SV2C: variants seen among roughly 807,000 people sequenced by gnomAD.
SV2C encodes synaptic vesicle glycoprotein 2C, also known as solute carrier family 22 member B3.
Under a neutral mutation model 79.7 loss-of-function variants are expected in SV2C, and 49 were observed. The ratio of observed to expected loss-of-function variants is 0.61; its 90% CI spans 0.49 to 0.78. The LOEUF (loss-of-function observed/expected upper bound fraction) is 0.78, where lower values mean the gene tolerates loss of function less well. Ranked by LOEUF, SV2C falls within the 30% of genes least tolerant of loss-of-function variation. The pLI is 0.00. For missense variants in SV2C, 833 were observed against 912.9 expected (o/e 0.91, Z 1.13); for synonymous variants, 334 against 333.2 (o/e 1.00, Z -0.03).
the SV2C span, among the ~76,000 whole-genome samples, chr5:75,884,344 T>C: frequency 0.19 from 29,174 of 152,128 alleles, 4,521 homozygotes; most frequent in African/African-American, 0.44. Context: ...GCTTTTATAT[T>C]ACTGATATCA....
the SV2C span, among the ~76,000 whole-genome samples, chr5:75,987,164 T>C: frequency 1.2e-4 from 19 of 152,072 alleles, 1 homozygote; most frequent in East Asian, 3.3e-3. Flanking sequence ...CCATTGTTTC[T>C]GAACCAAGAG....
At chr5:75,896,888 G>A in the SV2C span, among the ~76,000 whole-genome samples, 1 of 147,224 alleles carries the variant, frequency 6.8e-6, no homozygotes, top group African/African-American at 2.7e-5. Context: ...GTCTGTTCAT[G>A]TCCTTTGCCC....
At chr5:76,092,191 C>A (rs376872444) in intron 1 of SV2C, among the ~76,000 whole-genome samples, 1 of 152,034 alleles carries the variant, frequency 6.6e-6, no homozygotes, top group Non-Finnish European at 1.5e-5. Context: ...TGGAAAGGAC[C>A]TTACATATTT....
intron 2 of SV2C, among the ~76,000 whole-genome samples, chr5:76,159,263 C>T (rs1215328184): frequency 6.6e-6 from 1 of 152,074 alleles, no homozygotes; most frequent in Non-Finnish European, 1.5e-5. Context: ...CAACATTGTA[C>T]TGGAGTGTCT....
chr5:76,088,698 T>A (rs1319086434), intron 1 of SV2C, among the ~76,000 whole-genome samples: 3 of 152,244 alleles, frequency 2.0e-5, no homozygotes, highest in Non-Finnish European at 2.9e-5. Context: ...TTATTTGTTG[T>A]TTATTGAAAA....
the SV2C span, among the ~76,000 whole-genome samples, chr5:76,029,632 T>C: frequency 6.6e-6 from 1 of 152,018 alleles, no homozygotes. Context: ...TTTACACTTA[T>C]TATTTTTACA....
chr5:76,142,380 ATCTC>A (rs745460358), intron 2 of SV2C, among the ~76,000 whole-genome samples: 54 of 152,220 alleles, frequency 3.5e-4, no homozygotes, highest in Admixed American at 2.9e-3. Context: ...TTATTTTCAC[ATCTC>A]TCTGTCTTGA....
the SV2C span, among the ~76,000 whole-genome samples, chr5:75,929,688 C>T: frequency 6.6e-6 from 1 of 152,096 alleles, no homozygotes; most frequent in East Asian, 1.9e-4. Flanking sequence ...TGCAACATTA[C>T]ACAAATAACA....
chr5:75,996,115 T>G, the SV2C span, among the ~76,000 whole-genome samples: 1 of 152,206 alleles, frequency 6.6e-6, no homozygotes, highest in Admixed American at 6.5e-5. Context: ...TTTATGGTTT[T>G]AGGTCTAACA....
the SV2C span, among the ~76,000 whole-genome samples, chr5:76,044,894 T>C: frequency 6.6e-6 from 1 of 152,240 alleles, no homozygotes; most frequent in Non-Finnish European, 1.5e-5. Flanking sequence ...TAGTTTCTTT[T>C]ACTGTGCAGA....
At chr5:75,871,848 C>T in the SV2C span, among the ~76,000 whole-genome samples, 1 of 113,700 alleles carries the variant, frequency 8.8e-6, no homozygotes, top group African/African-American at 4.1e-5. Context: ...CACACACACA[C>T]ACACACACAC....
chr5:76,289,256 T>C (rs1359428349), intron 6 of SV2C, among the ~76,000 whole-genome samples: 1 of 152,172 alleles, frequency 6.6e-6, no homozygotes, highest in Non-Finnish European at 1.5e-5. Flanking sequence ...AAGACTTCAT[T>C]TTCAGCTAAC....
rs1580077501 is a variant in SV2C at position 76,327,694 on chromosome 5, C to G, written c.*2147C>G. On this transcript the variant is annotated 3_prime_UTR_variant, in exon 13 of 13. Transcript: ENST00000502798. ...AAAGAAAAATAGAAATGTACATGGGCATCGCTGTCTCTAGTCCTCTGTGAT... is the reference window on the plus strand; with the variant it reads ...AAAGAAAAATAGAAATGTACATGGGGATCGCTGTCTCTAGTCCTCTGTGAT... 6.6e-6 allele frequency: 1 copy of G among 152,252 alleles called. No homozygotes were observed. The highest frequency in any genetic ancestry group is 1.9e-4 in the East Asian group (1 of 5,198). The allele number at this position is 152,252 out of a possible 1,614,324, so 9.4% of individuals were successfully genotyped here.
intron 12 of SV2C, among the ~76,000 whole-genome samples, chr5:76,308,861 CTGTT>C (rs1389439540): frequency 1.3e-5 from 2 of 152,028 alleles, no homozygotes; most frequent in African/African-American, 4.8e-5. Context: ...AATTTTAATA[CTGTT>C]TGTTTATTTA....
chr5:76,259,845 C>T (rs1469825698), intron 4 of SV2C, among the ~76,000 whole-genome samples: 1 of 152,172 alleles, frequency 6.6e-6, no homozygotes, highest in African/African-American at 2.4e-5. Flanking sequence ...TCCAGTCTAT[C>T]ATTGATGGGC....
the SV2C span, among the ~76,000 whole-genome samples, chr5:75,947,040 A>G: frequency 6.6e-6 from 1 of 152,092 alleles, no homozygotes; most frequent in African/African-American, 2.4e-5. Context: ...TCACGTCTGA[A>G]AGTAGGGAGA....
At chr5:75,857,179 G>A in the SV2C span, among the ~76,000 whole-genome samples, 3 of 151,900 alleles carry the variant, frequency 2.0e-5, no homozygotes, top group Non-Finnish European at 2.9e-5. Flanking sequence ...GGATGGTCTC[G>A]ATCTCCTGAC....
At chr5:76,067,494 G>C in the SV2C span, among the ~76,000 whole-genome samples, 1 of 151,416 alleles carries the variant, frequency 6.6e-6, no homozygotes, top group Admixed American at 6.6e-5. Flanking sequence ...CTGACTGAGA[G>C]GTTTGACAAA....
intron 2 of SV2C, among the ~76,000 whole-genome samples, chr5:76,180,487 A>G (rs746974413): frequency 6.6e-6 from 1 of 152,188 alleles, no homozygotes; most frequent in Non-Finnish European, 1.5e-5. Flanking sequence ...AATCATGTCC[A>G]TATTAATATA....
Sources: gnomAD v4.1 joint callset for allele counts (sites outside exome capture counted in the v4.1 genomes callset) on GRCh38, gnomAD v4.1.1 for gene constraint, MANE v1.5 for transcripts, NCBI Gene and HGNC (gene_info 2026-07-23, HGNC 2026-07-21) for gene names.